Variants in CIBAR1 observed in about 807,000 individuals in gnomAD.
The protein encoded by CIBAR1 is CBY1-interacting BAR domain-containing protein 1.
In CIBAR1, 25 loss-of-function variants were observed where a neutral mutation model predicts 44.0. The observed-to-expected ratio is 0.57, with a 90% CI of 0.41 to 0.79. CIBAR1 has a LOEUF of 0.79. Among genes scored for constraint, CIBAR1 ranks in the 30% least tolerant of loss-of-function variants. The pLI, the probability that CIBAR1 is intolerant of heterozygous loss-of-function variation, is 0.00. For missense variants in CIBAR1, 278 were observed against 344.8 expected (o/e 0.81, Z 1.53); for synonymous variants, 115 against 119.0 (o/e 0.97, Z 0.22).
chr8:93,708,021 G>A lies in CIBAR1; in HGVS notation c.438+5G>A. 6.4e-7 allele frequency: 1 copy of A among 1,565,130 alleles called. No individual in the cohort carries two copies. ...TATGAAAAATTTCAGTCACAGGTGG[G>A]TAATAAAGTGGTGTGTCAAGAAATG... On this transcript the variant is annotated splice_donor_5th_base_variant and intron_variant, in intron 5 of 8. Coordinates refer to ENST00000518322, the MANE Select transcript of CIBAR1 (RefSeq NM_145269.5).
chr8:93,705,083 G>T, intron 4 of CIBAR1, 73 bp downstream of exon 4: 1 of 977,584 alleles, frequency 1.0e-6, no homozygotes, highest in Non-Finnish European at 1.6e-6. Flanking sequence ...TATAGAAATT[G>T]TGCATTTTTA....
intron 3 of CIBAR1, among the ~76,000 whole-genome samples, chr8:93,704,146 AT>A (rs1281903931): frequency 6.6e-6 from 1 of 152,150 alleles, no homozygotes; most frequent in African/African-American, 2.4e-5. Flanking sequence ...TTTAAGAATA[AT>A]GAAATAGTTT....
At position 93,713,991 on chromosome 8, in the gene CIBAR1, A is replaced by G. The variant is rs548811133; in HGVS notation, c.543+4116A>G. On this transcript the variant is annotated intron_variant, in intron 6 of 8. Coordinates refer to ENST00000518322, the MANE Select transcript of CIBAR1 (RefSeq NM_145269.5). ...TATGAATCTTAGAATCAATTTGTCA[A>G]TTTCTACAAAGAAGTCAGTTCGGGT... is the stretch of plus-strand genomic sequence containing the variant. Among the ~76,000 whole-genome samples the G allele has an allele frequency of 8.9e-4, 136 of 152,268 alleles. 1 individual carries two copies. Among genetic ancestry groups the G allele is most frequent in the African/African-American group, 2.8e-3 (116 of 41,550 alleles).
chr8:93,717,505 T>A (rs1170276459), intron 6 of CIBAR1, among the ~76,000 whole-genome samples: 1 of 152,220 alleles, frequency 6.6e-6, no homozygotes, highest in Non-Finnish European at 1.5e-5. Context: ...CTAGGCCCTG[T>A]CCTCTCAGAC....
intron 6 of CIBAR1, among the ~76,000 whole-genome samples, chr8:93,713,695 TG>T (rs1810922682): frequency 6.6e-6 from 1 of 152,230 alleles, no homozygotes; most frequent in African/African-American, 2.4e-5. Context: ...TTCATTCTTT[TG>T]CATATGACTG....
rs539958551 is a variant in CIBAR1 at position 93,718,665 on chromosome 8, T to G, written c.544-10T>G. 60 of 1,450,930 alleles carry G rather than the reference T, an allele frequency of 4.1e-5. No homozygotes were observed. The South Asian group carries it at 5.2e-4, about 13-fold the overall frequency. 89.9% of individuals were successfully genotyped at this position (1,450,930 alleles called of 1,614,324 possible). ...TCATTGTTTAAATTCAATTCTTTGGTTTTTTTTAGACTATATTTTCTGAAT... is the reference window on the plus strand; with the variant it reads ...TCATTGTTTAAATTCAATTCTTTGGGTTTTTTTAGACTATATTTTCTGAAT... On this transcript the variant is annotated splice_polypyrimidine_tract_variant and intron_variant, in intron 6 of 8. Coordinates refer to ENST00000518322, the MANE Select transcript of CIBAR1 (RefSeq NM_145269.5).
Position 93,706,489 on chromosome 8 carries a change from G to A in CIBAR1, c.432+1479G>A, listed in dbSNP as rs563134903. ...TTTTTGTTTTGTTTTGTTCTTTGTGGCCTGGAGTTGGGGAGGTGGTGATAC... is the reference window on the plus strand; with the variant it reads ...TTTTTGTTTTGTTTTGTTCTTTGTGACCTGGAGTTGGGGAGGTGGTGATAC... On this transcript the variant is annotated intron_variant, in intron 4 of 8. Coordinates refer to ENST00000518322, the MANE Select transcript of CIBAR1 (RefSeq NM_145269.5). 3.3e-5 allele frequency among the ~76,000 whole-genome samples: 5 copies of A among 152,264 alleles called. No individual in the cohort carries two copies. The South Asian group carries it at 1.0e-3, about 32-fold the overall frequency.
intron 7 of CIBAR1, among the ~76,000 whole-genome samples, chr8:93,721,639 C>T (rs1249767610): frequency 1.3e-5 from 2 of 152,156 alleles, no homozygotes; most frequent in Non-Finnish European, 2.9e-5. Flanking sequence ...GTACTTACCT[C>T]ATATAGTGTT....
At chr8:93,727,053 C>T in intron 8 of CIBAR1, 2 of 532,100 alleles carry the variant, frequency 3.8e-6, no homozygotes, top group Non-Finnish European at 3.4e-6. Context: ...TCTACCCCAA[C>T]AACTATAAAT....
chr8:93,705,245 A>C, intron 4 of CIBAR1: 1 of 430,416 alleles, frequency 2.3e-6, no homozygotes, highest in African/African-American at 2.0e-5. Flanking sequence ...CAAACAAAAA[A>C]TTCAGATGTT....
At chr8:93,707,905 A>G (rs1245447057) in intron 4 of CIBAR1, 106 bp from the exon 5 acceptor site, 1 of 662,990 alleles carries the variant, frequency 1.5e-6, no homozygotes, top group East Asian at 2.9e-5. Flanking sequence ...TACAATTAAT[A>G]TATAACCTAA....
rs761444535 is a variant in CIBAR1, at chr8:93,718,797, ATGTC to A, written c.657+11_657+14del. The stretch of plus-strand genomic sequence containing the variant: ...AAGATGAAGATTTAGAGGTAGGACT[ATGTC>A]TATCTAAGCTCAGTTCTTCTGTTAA... On this transcript the variant is annotated intron_variant, in intron 7 of 8. Coordinates refer to ENST00000518322, the MANE Select transcript of CIBAR1 (RefSeq NM_145269.5). 1 of 1,433,534 alleles carries A rather than the reference ATGTC, an allele frequency of 7.0e-7. No individual in the cohort carries two copies. Among genetic ancestry groups the A allele is most frequent in the East Asian group, 2.4e-5 (1 of 41,366 alleles). The allele number at this position is 1,433,534 out of a possible 1,614,324, so 88.8% of individuals were successfully genotyped here. A position where few individuals can be genotyped will look rare whatever the true frequency, so the allele number is the denominator to read the frequency against.
At chr8:93,710,711 G>C (rs1810789061) in intron 6 of CIBAR1, among the ~76,000 whole-genome samples, 2 of 151,880 alleles carry the variant, frequency 1.3e-5, no homozygotes, top group South Asian at 2.1e-4. Context: ...GCACACACCT[G>C]TAATCCCAGC....
intron 4 of CIBAR1, 68 bp from the exon 5 acceptor site, chr8:93,707,943 T>G: frequency 1.9e-6 from 2 of 1,033,374 alleles, no homozygotes; most frequent in Non-Finnish European, 2.8e-6. Flanking sequence ...TCTATGAGTA[T>G]ATAAATTTAT....
At chr8:93,701,154 T>C (rs948517425) in intron 1 of CIBAR1, 70 bp from the exon 2 acceptor site, 7 of 1,543,020 alleles carry the variant, frequency 4.5e-6, no homozygotes, top group Admixed American at 4.0e-5. Context: ...AATGTTTGCA[T>C]GTTAAATTAA....
chr8:93,720,039 A>G (rs187151452), intron 7 of CIBAR1: 3,276 of 147,256 alleles, frequency 0.022, 51 homozygotes, highest in Non-Finnish European at 0.036. Context: ...TCTGGAGTGC[A>G]GTGGTGCGAT....
intron 8 of CIBAR1, 151 bp from the exon 9 acceptor site, chr8:93,728,054 T>C (rs1811611007): frequency 2.2e-6 from 1 of 462,584 alleles, no homozygotes; most frequent in Admixed American, 4.3e-5. Flanking sequence ...AGCTTAAAAT[T>C]CATAGGGAAT....
Position 93,721,586 on chromosome 8 carries a change from C to G in CIBAR1, c.657+2798C>G, listed in dbSNP as rs185687968. On this transcript the variant is annotated intron_variant, in intron 7 of 8. Coordinates refer to ENST00000518322, the MANE Select transcript of CIBAR1 (RefSeq NM_145269.5). ...GAAGTAATACTGAGCAAGTTAACTT[C>G]TTCGCTCTTCAGCTTCCTCCTTTCT... Among the ~76,000 whole-genome samples the G allele has an allele frequency of 1.7e-3, 265 of 152,222 alleles. 1 individual carries two copies. The highest frequency in any genetic ancestry group is 2.7e-3 in the Non-Finnish European group (182 of 68,010).
chr8:93,725,367 G>A (rs1355642345), intron 7 of CIBAR1, among the ~76,000 whole-genome samples: 1 of 152,070 alleles, frequency 6.6e-6, no homozygotes, highest in African/African-American at 2.4e-5. Flanking sequence ...GAGATGTAAA[G>A]AAATAGAGAA....
Sources: gnomAD v4.1 joint callset for allele counts (sites outside exome capture counted in the v4.1 genomes callset) on GRCh38, gnomAD v4.1.1 for gene constraint, MANE v1.5 for transcripts, NCBI Gene and HGNC (gene_info 2026-07-23, HGNC 2026-07-21) for gene names.